The following ZNF827 variants were observed in gnomAD, a reference collection of about 807,000 sequenced individuals.
The protein encoded by ZNF827 is zinc finger protein 827.
ZNF827 carries 13 observed loss-of-function variants against 102.4 expected under a neutral mutation model. The observed-to-expected ratio is 0.13, with a 90% CI of 0.08 to 0.20. The LOEUF (loss-of-function observed/expected upper bound fraction) is 0.20. Among genes scored for constraint, ZNF827 ranks in the 10% least tolerant of loss-of-function variants. The pLI is 1.00. For synonymous variants in ZNF827, 523 were observed against 536.2 expected, an observed-to-expected ratio of 0.98 and a Z score of 0.34; for missense variants, 1,103 against 1,344.4, an observed-to-expected ratio of 0.82 and a Z score of 2.81.
intron 8 of ZNF827, among the ~76,000 whole-genome samples, chr4:145,794,172 C>G (rs1740139503): frequency 6.6e-6 from 1 of 152,172 alleles, no homozygotes; most frequent in South Asian, 2.1e-4. Context: ...CATTTGTAAC[C>G]TTAATGTTGC....
chr4:145,807,394 AG>A (rs1020864730), intron 8 of ZNF827, among the ~76,000 whole-genome samples: 2 of 151,780 alleles, frequency 1.3e-5, no homozygotes, highest in Non-Finnish European at 2.9e-5. Context: ...AGGTGGTGGT[AG>A]GGGGAAACAA....
At chr4:145,813,231 C>T (rs1302493234) in intron 8 of ZNF827, among the ~76,000 whole-genome samples, 1 of 152,164 alleles carries the variant, frequency 6.6e-6, no homozygotes, top group Non-Finnish European at 1.5e-5. Context: ...CTGTCATTCA[C>T]CTCACTTCAT....
intron 2 of ZNF827, among the ~76,000 whole-genome samples, chr4:145,900,220 AG>A (rs1223413210): frequency 1.3e-5 from 2 of 152,194 alleles, no homozygotes; most frequent in African/African-American, 4.8e-5. Context: ...AAGCTGCTAC[AG>A]TCTGGGCTTC....
intron 1 of ZNF827, among the ~76,000 whole-genome samples, chr4:145,927,200 C>T (rs1224045379): frequency 4.6e-5 from 7 of 152,140 alleles, no homozygotes; most frequent in East Asian, 1.9e-4. Context: ...TAGAAAACGC[C>T]GCCTAATTCT....
intron 13 of ZNF827, 86 bp downstream of exon 13, chr4:145,764,902 A>G: frequency 1.3e-6 from 2 of 1,596,382 alleles, no homozygotes; most frequent in Non-Finnish European, 1.7e-6. Context: ...TGACTCCCAA[A>G]ACCTTCACGG....
intron 3 of ZNF827, among the ~76,000 whole-genome samples, chr4:145,891,974 C>G (rs1320203655): frequency 6.6e-6 from 1 of 152,236 alleles, no homozygotes; most frequent in Non-Finnish European, 1.5e-5. Context: ...GCCAGGCAGG[C>G]TGTTGCTCCC....
intron 1 of ZNF827, among the ~76,000 whole-genome samples, chr4:145,915,724 A>G (rs183476004): frequency 1.3e-5 from 2 of 152,280 alleles, no homozygotes; most frequent in East Asian, 1.9e-4. Flanking sequence ...TTCATCATCA[A>G]CTCAAAAATC....
At chr4:145,872,968 C>CTTTTT (rs1748837765) in intron 4 of ZNF827, among the ~76,000 whole-genome samples, 1 of 125,012 alleles carries the variant, frequency 8.0e-6, no homozygotes, top group African/African-American at 3.0e-5. Context: ...TTTTGAGATG[C>CTTTTT]TTTGTCACCC....
At chr4:145,783,303 C>G (rs1317612416) in intron 8 of ZNF827, among the ~76,000 whole-genome samples, 2 of 152,158 alleles carry the variant, frequency 1.3e-5, no homozygotes, top group African/African-American at 4.8e-5. Flanking sequence ...AGACATTATT[C>G]TTATTTTATA....
rs1750087680 is a variant in ZNF827, at chr4:145,885,997, T to C, written c.1428A>G (p.Gly476=). ...AGGCACTGTCACTGAGGTGGGGAGA[T>C]CCCTTGACATCTGGGTCTGGGATCT... is the stretch of plus-strand genomic sequence containing the variant. ...KEEIPDPDVK[G]SPHLSDSACL... Residue 476 remains glycine, a synonymous_variant, in exon 4 of 15, where the codon GGA becomes GGG. Transcript: ENST00000508784. 1 of 1,613,926 alleles carries C rather than the reference T, an allele frequency of 6.2e-7. No individual in the cohort carries two copies. Among genetic ancestry groups the C allele is most frequent in the Non-Finnish European group, 8.5e-7 (1 of 1,180,000 alleles).
At chr4:145,845,048 G>A (rs1394885595) in intron 7 of ZNF827, among the ~76,000 whole-genome samples, 1 of 152,182 alleles carries the variant, frequency 6.6e-6, no homozygotes, top group Non-Finnish European at 1.5e-5. Context: ...AGTTTCTACT[G>A]TTCCTAGTTG....
intron 1 of ZNF827, among the ~76,000 whole-genome samples, chr4:145,928,250 G>T (rs1753572803): frequency 6.6e-6 from 1 of 152,144 alleles, no homozygotes; most frequent in African/African-American, 2.4e-5. Flanking sequence ...TTAAGCAAAT[G>T]AATCACATCA....
At chr4:145,836,124 A>T (rs1358849418) in intron 7 of ZNF827, among the ~76,000 whole-genome samples, 4 of 151,958 alleles carry the variant, frequency 2.6e-5, no homozygotes, top group Non-Finnish European at 5.9e-5. Flanking sequence ...AGCTTCACAG[A>T]CAGCCCCCGT....
chr4:145,923,416 C>T (rs1042028455), intron 1 of ZNF827, among the ~76,000 whole-genome samples: 5 of 150,386 alleles, frequency 3.3e-5, no homozygotes, highest in Non-Finnish European at 7.4e-5. Context: ...ACCAGCCTGG[C>T]CAACGTGGTG....
chr4:145,856,556 G>A (rs1281437689), intron 5 of ZNF827, among the ~76,000 whole-genome samples: 1 of 152,042 alleles, frequency 6.6e-6, no homozygotes, highest in Middle Eastern at 3.2e-3. Flanking sequence ...GGAAAAAGAG[G>A]GGACTCTTTC....
At chr4:145,845,923 G>T (rs1251351775) in intron 7 of ZNF827, 33 bp downstream of exon 7, 5 of 1,612,816 alleles carry the variant, frequency 3.1e-6, no homozygotes, top group Non-Finnish European at 3.4e-6. Context: ...CCCACACGGG[G>T]TGTTCTGGAG....
intron 1 of ZNF827, among the ~76,000 whole-genome samples, chr4:145,906,262 T>A (rs1384047251): frequency 6.6e-6 from 1 of 152,172 alleles, no homozygotes; most frequent in Non-Finnish European, 1.5e-5. Context: ...GCTCACCCGC[T>A]TTCCATTCCC....
intron 4 of ZNF827, among the ~76,000 whole-genome samples, chr4:145,874,872 G>A (rs937986036): frequency 1.3e-5 from 2 of 152,084 alleles, no homozygotes; most frequent in Admixed American, 6.5e-5. Flanking sequence ...GTAGGACCTG[G>A]GCCACGCTGC....
At chr4:145,807,918 T>A (rs1741638684) in intron 8 of ZNF827, among the ~76,000 whole-genome samples, 1 of 152,172 alleles carries the variant, frequency 6.6e-6, no homozygotes, top group Non-Finnish European at 1.5e-5. Flanking sequence ...AAGTAACAGT[T>A]GGGAGATAGA....
Sources: allele counts gnomAD v4.1 joint callset (sites outside exome capture counted in the v4.1 genomes callset), GRCh38; gene constraint gnomAD v4.1.1; transcripts MANE v1.5; gene names NCBI Gene and HGNC (gene_info 2026-07-23, HGNC 2026-07-21).